AVEN: variants seen among roughly 807,000 people sequenced by gnomAD.
AVEN encodes apoptosis and caspase activation inhibitor.
In AVEN, 41 loss-of-function variants were observed where a neutral mutation model predicts 38.1. The observed-to-expected ratio is 1.08, with a 90% CI of 0.84 to 1.40. The LOEUF is 1.40. Among genes scored for constraint, AVEN ranks in the 40% most tolerant of loss-of-function variants. The pLI is 0.00. For missense variants in AVEN, 605 were observed against 438.8 expected (o/e 1.38, Z -3.38); for synonymous variants, 206 against 171.8 (o/e 1.20, Z -1.56).
intron 2 of AVEN, among the ~76,000 whole-genome samples, chr15:33,883,983 G>T (rs1025435730): frequency 6.6e-6 from 1 of 152,188 alleles, no homozygotes; most frequent in African/African-American, 2.4e-5. Context: ...TTAATGGCTA[G>T]ACACCTAGAC....
intron 5 of AVEN, among the ~76,000 whole-genome samples, chr15:34,054,056 C>T (rs572537432): frequency 1.3e-3 from 198 of 151,950 alleles, no homozygotes; most frequent in Non-Finnish European, 2.4e-3. Flanking sequence ...GACATACATG[C>T]GGCCAAAAAA....
chr15:34,038,851 G>A lies in AVEN; in HGVS notation c.196C>T (p.Arg66Ter). ...GRGFRGARGG[R>*]GGGGAPRGSR... ...CCTCGCGGGGCGCCTCCTCCTCCTC[G>A]GCCTCCGCGAGCGCCGCGGAAGCCC... Residue 66 changes from arginine (R) to a stop codon, truncating the protein, a stop_gained, in exon 1 of 6, where the codon CGA becomes TGA. Transcript: ENST00000306730. LOFTEE classifies it high-confidence loss of function. 1 of 1,164,420 alleles carries A rather than the reference G, an allele frequency of 8.6e-7. No individual in the cohort carries two copies. Among genetic ancestry groups the A allele is most frequent in the Non-Finnish European group, 1.1e-6 (1 of 948,006 alleles). The allele number at this position is 1,164,420 out of a possible 1,614,324, so 72.1% of individuals were successfully genotyped here.
intron 2 of AVEN, among the ~76,000 whole-genome samples, chr15:33,959,062 G>T (rs1895071938): frequency 6.6e-6 from 1 of 152,110 alleles, no homozygotes; most frequent in South Asian, 2.1e-4. Flanking sequence ...CCAAGCATAT[G>T]CTTGCCTCTG....
In AVEN at chr15:34,030,207, T is replaced by C. The variant is rs562419462; in HGVS notation, c.267+8573A>G. Among the ~76,000 whole-genome samples the C allele has an allele frequency of 3.8e-3, 581 of 152,198 alleles. 2 individuals are homozygous for C. The highest frequency in any genetic ancestry group is 0.018 in the South Asian group (86 of 4,814). ...AGGCAGAGGTTGCAGGGAGCTGAGA[T>C]CACACCACTGCATTCCAGCCTGGGT... On this transcript the variant is annotated intron_variant, in intron 1 of 5. Transcript: ENST00000306730.
intron 11 of AVEN, chr15:33,859,866 G>A (rs1173421810): frequency 2.1e-6 from 2 of 965,888 alleles, no homozygotes; most frequent in East Asian, 2.6e-5. Context: ...AACTAATTTA[G>A]CATCTACTAT....
intron 5 of AVEN, among the ~76,000 whole-genome samples, chr15:34,061,929 T>C (rs1244134885): frequency 6.6e-6 from 1 of 152,228 alleles, no homozygotes; most frequent in Non-Finnish European, 1.5e-5. Context: ...CCCCAGTGCA[T>C]GACGATTTAG....
intron 2 of AVEN, among the ~76,000 whole-genome samples, chr15:33,915,068 TA>T (rs1246782434): frequency 6.6e-6 from 1 of 152,038 alleles, no homozygotes; most frequent in Non-Finnish European, 1.5e-5. Context: ...CAGCAGTAGT[TA>T]AAAAGGGCTT....
At chr15:33,961,232 C>T (rs1895147306) in intron 2 of AVEN, among the ~76,000 whole-genome samples, 1 of 151,968 alleles carries the variant, frequency 6.6e-6, no homozygotes, top group African/African-American at 2.4e-5. Flanking sequence ...AACTCCTGAG[C>T]TCAAGCAATT....
At chr15:33,859,560 A>T (rs780122828) in intron 11 of AVEN, 1 of 1,613,120 alleles carries the variant, frequency 6.2e-7, no homozygotes, top group South Asian at 1.1e-5. Flanking sequence ...AATCCCCCTT[A>T]TTTTTCTTCT....
intron 2 of AVEN, among the ~76,000 whole-genome samples, chr15:33,885,047 C>T (rs570108494): frequency 6.4e-4 from 98 of 152,286 alleles, no homozygotes; most frequent in African/African-American, 2.2e-3. Flanking sequence ...ATTTTCCTGG[C>T]TCCTCTTCAT....
intron 4 of AVEN, among the ~76,000 whole-genome samples, chr15:33,869,720 A>G (rs561101689): frequency 2.6e-5 from 4 of 152,184 alleles, no homozygotes; most frequent in Non-Finnish European, 5.9e-5. Flanking sequence ...ATGGGTAACC[A>G]ATTCATTACT....
intron 2 of AVEN, among the ~76,000 whole-genome samples, chr15:33,973,356 G>T (rs769860275): frequency 1.3e-5 from 2 of 152,096 alleles, no homozygotes; most frequent in African/African-American, 4.8e-5. Context: ...AATCTATCAG[G>T]CTCAGTATAT....
At chr15:33,962,969 A>T (rs989229134) in intron 2 of AVEN, among the ~76,000 whole-genome samples, 1 of 150,292 alleles carries the variant, frequency 6.7e-6, no homozygotes, top group Non-Finnish European at 1.5e-5. Context: ...TCTCATACAG[A>T]AGTATAATCA....
intron 11 of AVEN, among the ~76,000 whole-genome samples, chr15:33,860,137 A>G (rs1212907549): frequency 1.3e-5 from 2 of 152,128 alleles, no homozygotes; most frequent in South Asian, 4.1e-4. Flanking sequence ...CAGCTTGTCA[A>G]GATTGGAGAA....
rs371378111 is a variant in AVEN, at chr15:33,873,828, T to C, written c.516+2097A>G. 3.3e-5 allele frequency among the ~76,000 whole-genome samples: 5 copies of C among 152,308 alleles called. No individual in the cohort carries two copies. The East Asian group carries it at 5.8e-4, about 18-fold the overall frequency. ...ACCTAGTTACTCAAGCTAGAAAGCA[T>C]AGTGCCATTGCAAATCTTTCTTGTC... On this transcript the variant is annotated intron_variant, in intron 3 of 5. Coordinates refer to ENST00000306730, the MANE Select transcript of AVEN (RefSeq NM_020371.3).
intron 5 of AVEN, among the ~76,000 whole-genome samples, chr15:34,050,811 T>G (rs928121222): frequency 6.6e-6 from 1 of 152,202 alleles, no homozygotes; most frequent in Admixed American, 6.5e-5. Context: ...CTATCCTAAA[T>G]GTATATGCAC....
At chr15:33,995,871 G>A (rs1342444827) in intron 2 of AVEN, among the ~76,000 whole-genome samples, 2 of 152,256 alleles carry the variant, frequency 1.3e-5, no homozygotes, top group Admixed American at 1.3e-4. Flanking sequence ...CTGAAGCGGG[G>A]CGGGGCGCTG....
At chr15:33,907,656 T>G (rs1023162067) in intron 2 of AVEN, among the ~76,000 whole-genome samples, 5 of 152,090 alleles carry the variant, frequency 3.3e-5, no homozygotes, top group African/African-American at 1.2e-4. Context: ...CTGACAACTG[T>G]AGACAAGTTA....
chr15:33,886,260 G>A (rs1273659015), intron 2 of AVEN, among the ~76,000 whole-genome samples: 5 of 152,234 alleles, frequency 3.3e-5, no homozygotes, highest in South Asian at 2.1e-4. Context: ...CATGGGGGGC[G>A]GTCTCCCCAT....
Sources: allele counts gnomAD v4.1 joint callset (sites outside exome capture counted in the v4.1 genomes callset), GRCh38; gene constraint gnomAD v4.1.1; transcripts MANE v1.5; gene names NCBI Gene and HGNC (gene_info 2026-07-23, HGNC 2026-07-21).